Variants in DPYD observed in about 807,000 individuals in gnomAD.
DPYD encodes dihydropyrimidine dehydrogenase.
A neutral mutation model predicts 116.2 loss-of-function variants in DPYD; 109 were observed. That is an observed-to-expected ratio of 0.94 (90% confidence interval 0.80 to 1.10). DPYD has a LOEUF of 1.10. Ranked by LOEUF, DPYD falls within the 50% of genes least tolerant of loss-of-function variation. The pLI is 0.00. For missense variants in DPYD, 1,302 were observed against 1,254.5 expected (o/e 1.04, Z -0.57); for synonymous variants, 440 against 432.0 (o/e 1.02, Z -0.23).
At chr1:97,761,954 C>G (rs934718535) in intron 3 of DPYD, among the ~76,000 whole-genome samples, 1 of 152,140 alleles carries the variant, frequency 6.6e-6, no homozygotes, top group Middle Eastern at 3.4e-3. Context: ...GAGTTCAACA[C>G]TGAGTATATA....
chr1:97,860,381 T>A (rs1671057472), intron 2 of DPYD, among the ~76,000 whole-genome samples: 2 of 152,136 alleles, frequency 1.3e-5, no homozygotes, highest in African/African-American at 4.8e-5. Flanking sequence ...ATGCAAACCA[T>A]ATTTGTACTA....
intron 7 of DPYD, among the ~76,000 whole-genome samples, chr1:97,688,544 A>G (rs1488627007): frequency 1.3e-5 from 2 of 152,128 alleles, no homozygotes; most frequent in Non-Finnish European, 2.9e-5. Flanking sequence ...TTCCAAATTT[A>G]GTAAAAAAGA....
Position 97,878,295 on chromosome 1 carries a change from GC to G in DPYD, c.150+4968del, listed in dbSNP as rs1672022484. Among the ~76,000 whole-genome samples, 3 of 151,912 alleles carry G rather than the reference GC, an allele frequency of 2.0e-5. No individual in the cohort carries two copies. In the South Asian group the frequency reaches 6.2e-4, roughly 32 times the overall value. On this transcript the variant is annotated intron_variant, in intron 2 of 22. Coordinates refer to ENST00000370192, the MANE Select transcript of DPYD (RefSeq NM_000110.4). Reference sequence around the variant, plus strand: ...TGAACCTCAGGCCAGTGCCTCACTTGCCTCACTCTAATTTCTGCCCTAATCC... The same window carrying G: ...TGAACCTCAGGCCAGTGCCTCACTTGCTCACTCTAATTTCTGCCCTAATCC...
chr1:97,352,663 T>G (rs749427480), intron 16 of DPYD, among the ~76,000 whole-genome samples: 2 of 151,958 alleles, frequency 1.3e-5, no homozygotes, highest in Admixed American at 1.3e-4. Flanking sequence ...GTTGTTTGAT[T>G]TTTTTTTCCC....
chr1:97,506,769 A>C (rs1034484105), intron 13 of DPYD, among the ~76,000 whole-genome samples: 1 of 152,044 alleles, frequency 6.6e-6, no homozygotes, highest in Non-Finnish European at 1.5e-5. Flanking sequence ...AGTCTGCTTC[A>C]TGGTTAAAAA....
At chr1:97,153,973 C>CAAAAAAA (rs60741755) in intron 20 of DPYD, among the ~76,000 whole-genome samples, 3 of 126,224 alleles carry the variant, frequency 2.4e-5, no homozygotes, top group Non-Finnish European at 3.5e-5. Flanking sequence ...TGGCCATGAT[C>CAAAAAAA]AAAAAAAAAA....
At chr1:97,242,046 T>C (rs1235376028) in intron 18 of DPYD, among the ~76,000 whole-genome samples, 1 of 147,856 alleles carries the variant, frequency 6.8e-6, no homozygotes, top group African/African-American at 2.5e-5. Flanking sequence ...CTTGAGTCTA[T>C]GGTAGTAAAT....
intron 12 of DPYD, among the ~76,000 whole-genome samples, chr1:97,547,652 TTCTC>T (rs1339378649): frequency 4.0e-5 from 6 of 151,444 alleles, no homozygotes; most frequent in Non-Finnish European, 7.4e-5. Context: ...ACAGGCTCCT[TTCTC>T]TCTCTTTCTC....
At chr1:97,904,842 T>A (rs1273265890) in intron 1 of DPYD, among the ~76,000 whole-genome samples, 2 of 152,112 alleles carry the variant, frequency 1.3e-5, no homozygotes, top group Non-Finnish European at 2.9e-5. Context: ...AAGAACCTAC[T>A]GAAAGTTATT....
chr1:97,681,523 G>A (rs912359316), intron 7 of DPYD, among the ~76,000 whole-genome samples: 4 of 151,968 alleles, frequency 2.6e-5, no homozygotes, highest in Admixed American at 6.6e-5. Context: ...GATTAATAAC[G>A]AATATTCAGA....
intron 3 of DPYD, among the ~76,000 whole-genome samples, chr1:97,788,253 G>C (rs1466975415): frequency 2.0e-5 from 3 of 152,126 alleles, no homozygotes; most frequent in African/African-American, 7.2e-5. Flanking sequence ...ATAAAATGAT[G>C]GCAGAAGTGA....
chr1:97,229,241 T>A (rs1199108582), intron 19 of DPYD, among the ~76,000 whole-genome samples: 23 of 114,332 alleles, frequency 2.0e-4, no homozygotes, highest in Middle Eastern at 4.8e-3. Flanking sequence ...AAGAATTTGA[T>A]GGGAAGTAAA....
intron 2 of DPYD, among the ~76,000 whole-genome samples, chr1:97,881,131 T>C (rs994061594): frequency 3.3e-5 from 5 of 152,072 alleles, no homozygotes; most frequent in Admixed American, 3.3e-4. Context: ...TCAAAAATCT[T>C]ATGTTGAAGT....
At chr1:97,586,819 C>A (rs1299249065) in intron 10 of DPYD, among the ~76,000 whole-genome samples, 7 of 151,666 alleles carry the variant, frequency 4.6e-5, no homozygotes, top group Non-Finnish European at 8.8e-5. Context: ...TTTTACCTCA[C>A]CAATTGGCTG....
intron 5 of DPYD, among the ~76,000 whole-genome samples, chr1:97,719,044 T>C (rs1269306310): frequency 6.6e-6 from 1 of 151,244 alleles, no homozygotes; most frequent in Non-Finnish European, 1.5e-5. Flanking sequence ...ATCACCCCGG[T>C]AGCCTGTTTA....
chr1:97,774,147 C>T (rs1445877226), intron 3 of DPYD, among the ~76,000 whole-genome samples: 1 of 152,172 alleles, frequency 6.6e-6, no homozygotes, highest in Non-Finnish European at 1.5e-5. Flanking sequence ...AAGCAAGCCA[C>T]ACCACCGTTG....
rs1340024539 is a variant in DPYD at position 97,848,493 on chromosome 1, A to G, written c.151-20297T>C. Among the ~76,000 whole-genome samples, 4 of 152,234 alleles carry G rather than the reference A, an allele frequency of 2.6e-5. No individual in the cohort carries two copies. In the East Asian group the frequency reaches 7.7e-4, roughly 29 times the overall value. ...AGTTCATCTTTTAAGAGGATGTGAA[A>G]GTGTTACTTTAGAGTATTCAGGAAG... On this transcript the variant is annotated intron_variant, in intron 2 of 22. Transcript: ENST00000370192.
At chr1:97,863,530 AT>A (rs1671224569) in intron 2 of DPYD, among the ~76,000 whole-genome samples, 1 of 151,872 alleles carries the variant, frequency 6.6e-6, no homozygotes, top group African/African-American at 2.4e-5. Context: ...TTAGAAAAAG[AT>A]GATTAAATAT....
chr1:97,305,181 C>T, intron 18 of DPYD, 78 bp downstream of exon 18: 1 of 1,606,664 alleles, frequency 6.2e-7, no homozygotes, highest in East Asian at 2.2e-5. Flanking sequence ...ATAAAGGGCA[C>T]AAAACTCTTG....
Sources: allele counts gnomAD v4.1 joint callset (sites outside exome capture counted in the v4.1 genomes callset), GRCh38; gene constraint gnomAD v4.1.1; transcripts MANE v1.5; gene names NCBI Gene and HGNC (gene_info 2026-07-23, HGNC 2026-07-21).